Variants in ABTB3 observed in about 807,000 individuals in gnomAD.
ABTB3 encodes ankyrin repeat and BTB domain containing 3.
chr12:107,554,583 C>T, the ABTB3 span, among the ~76,000 whole-genome samples: 5 of 152,076 alleles, frequency 3.3e-5, no homozygotes, highest in African/African-American at 4.8e-5. Flanking sequence ...AGATAATAGC[C>T]GTTACTATTC....
chr12:107,464,976 A>ACACCCC, the ABTB3 span, among the ~76,000 whole-genome samples: 4 of 142,266 alleles, frequency 2.8e-5, no homozygotes, highest in African/African-American at 1.1e-4. Flanking sequence ...ACACACACAC[A>ACACCCC]CCCCAGAGAA....
the ABTB3 span, among the ~76,000 whole-genome samples, chr12:107,495,541 C>T: frequency 3.3e-5 from 5 of 152,210 alleles, no homozygotes; most frequent in African/African-American, 1.2e-4. Flanking sequence ...CTAACGGGGG[C>T]CAGAAGGGCA....
the ABTB3 span, among the ~76,000 whole-genome samples, chr12:107,433,604 C>T: frequency 2.0e-5 from 3 of 152,142 alleles, no homozygotes; most frequent in Admixed American, 6.5e-5. Flanking sequence ...CTCACAACAG[C>T]CTTCAGCAGG....
the ABTB3 span, among the ~76,000 whole-genome samples, chr12:107,468,705 G>A: frequency 6.6e-6 from 1 of 152,102 alleles, no homozygotes; most frequent in Non-Finnish European, 1.5e-5. Flanking sequence ...TTGGGCAAAG[G>A]AGATATAAAG....
chr12:107,602,787 C>A, the ABTB3 span, among the ~76,000 whole-genome samples: 1 of 152,196 alleles, frequency 6.6e-6, no homozygotes, highest in Non-Finnish European at 1.5e-5. Flanking sequence ...TGCATTAACT[C>A]CCCGCCTCGG....
chr12:107,503,393 T>C, the ABTB3 span, among the ~76,000 whole-genome samples: 1 of 151,948 alleles, frequency 6.6e-6, no homozygotes, highest in Non-Finnish European at 1.5e-5. Flanking sequence ...TGGCTAACCT[T>C]GAGTGGGGCC....
At chr12:107,463,026 GTGA>G in the ABTB3 span, among the ~76,000 whole-genome samples, 1 of 151,840 alleles carries the variant, frequency 6.6e-6, no homozygotes, top group Non-Finnish European at 1.5e-5. Flanking sequence ...GGTAGTGATA[GTGA>G]TGATGGTGGT....
At chr12:107,320,301 G>A in the ABTB3 span, among the ~76,000 whole-genome samples, 1 of 152,216 alleles carries the variant, frequency 6.6e-6, no homozygotes, top group Non-Finnish European at 1.5e-5. Flanking sequence ...CCGGGAGCGC[G>A]AGGTTCCGCC....
chr12:107,334,287 G>A, the ABTB3 span, among the ~76,000 whole-genome samples: 1,440 of 152,306 alleles, frequency 9.5e-3, 12 homozygotes, highest in Middle Eastern at 0.031. Flanking sequence ...AGCCCAGGCA[G>A]GAGAGGATGG....
the ABTB3 span, among the ~76,000 whole-genome samples, chr12:107,455,708 C>G: frequency 6.6e-6 from 1 of 152,192 alleles, no homozygotes; most frequent in African/African-American, 2.4e-5. Context: ...TCTAGGTCAG[C>G]TGTAGGACGG....
the ABTB3 span, among the ~76,000 whole-genome samples, chr12:107,528,398 A>G: frequency 6.6e-6 from 1 of 152,246 alleles, no homozygotes; most frequent in Non-Finnish European, 1.5e-5. Flanking sequence ...TAGCCAATTT[A>G]AAGAAAAACA....
At chr12:107,599,398 CAT>C in the ABTB3 span, among the ~76,000 whole-genome samples, 3 of 152,192 alleles carry the variant, frequency 2.0e-5, no homozygotes, top group East Asian at 1.9e-4. Context: ...ACAGCAAAGA[CAT>C]GTGCTGTGTC....
chr12:107,377,348 C>T, the ABTB3 span, among the ~76,000 whole-genome samples: 1 of 152,266 alleles, frequency 6.6e-6, no homozygotes, highest in Admixed American at 6.5e-5. Context: ...TTGCTTCTCA[C>T]CCTTCCCTGC....
the ABTB3 span, among the ~76,000 whole-genome samples, chr12:107,470,467 A>T: frequency 6.6e-6 from 1 of 151,746 alleles, no homozygotes; most frequent in African/African-American, 2.4e-5. Flanking sequence ...TACCCTCCCC[A>T]CCTTCACTCG....
At chr12:107,514,226 C>T in the ABTB3 span, among the ~76,000 whole-genome samples, 1 of 152,226 alleles carries the variant, frequency 6.6e-6, no homozygotes, top group Non-Finnish European at 1.5e-5. Flanking sequence ...CTCTACCCCA[C>T]CTTGCCGCCA....
At chr12:107,430,173 T>C in the ABTB3 span, among the ~76,000 whole-genome samples, 1 of 152,242 alleles carries the variant, frequency 6.6e-6, no homozygotes, top group Non-Finnish European at 1.5e-5. Context: ...TAAAATATGA[T>C]TTTAAAATAC....
chr12:107,515,109 A>G, the ABTB3 span, among the ~76,000 whole-genome samples: 1 of 152,218 alleles, frequency 6.6e-6, no homozygotes, highest in Admixed American at 6.5e-5. Flanking sequence ...ACTGAGGTCC[A>G]GAGAGATTCT....
the ABTB3 span, chr12:107,651,817 A>G: frequency 1.3e-6 from 2 of 1,578,222 alleles, no homozygotes; most frequent in African/African-American, 2.7e-5. Context: ...CGCAGTGCGC[A>G]CACAGGAGCG....
At chr12:107,434,634 G>A in the ABTB3 span, among the ~76,000 whole-genome samples, 1 of 152,134 alleles carries the variant, frequency 6.6e-6, no homozygotes, top group Non-Finnish European at 1.5e-5. Context: ...AGGCTGAGGC[G>A]GGAGGATTGC....
Sources: gnomAD v4.1 joint callset for allele counts (sites outside exome capture counted in the v4.1 genomes callset) on GRCh38, gnomAD v4.1.1 for gene constraint, MANE v1.5 for transcripts, NCBI Gene and HGNC (gene_info 2026-07-23, HGNC 2026-07-21) for gene names.